The following PTPRD variants were observed in gnomAD, a reference collection of about 807,000 sequenced individuals.
PTPRD encodes the protein protein tyrosine phosphatase receptor type D.
PTPRD carries 34 observed loss-of-function variants against 214.5 expected under a neutral mutation model. The observed-to-expected ratio is 0.16, with a 90% CI of 0.12 to 0.21. PTPRD has a LOEUF of 0.21. Ranked by LOEUF, PTPRD falls within the 10% of genes least tolerant of loss-of-function variation. PTPRD has a pLI of 1.00. For synonymous variants in PTPRD, 1,128 were observed against 845.7 expected (o/e 1.33, Z -5.79); for missense variants, 2,545 against 2,398.7 (o/e 1.06, Z -1.27).
chr9:8,623,666 G>T (rs773150079), intron 14 of PTPRD, among the ~76,000 whole-genome samples: 3 of 151,802 alleles, frequency 2.0e-5, no homozygotes, highest in Non-Finnish European at 2.9e-5. Flanking sequence ...GCTTTACATG[G>T]ATTATCTCCT....
At chr9:10,589,983 A>T (rs2075021138) in intron 2 of PTPRD, among the ~76,000 whole-genome samples, 1 of 152,060 alleles carries the variant, frequency 6.6e-6, no homozygotes, top group Admixed American at 6.6e-5. Context: ...AGGACATAGA[A>T]ATTCACATTA....
chr9:10,208,790 A>G (rs2099499478), intron 3 of PTPRD, among the ~76,000 whole-genome samples: 1 of 152,170 alleles, frequency 6.6e-6, no homozygotes, highest in Admixed American at 6.5e-5. Context: ...CACTATCTTG[A>G]GTAAATATAA....
At chr9:9,455,065 G>A (rs957384711) in intron 8 of PTPRD, among the ~76,000 whole-genome samples, 1 of 151,494 alleles carries the variant, frequency 6.6e-6, no homozygotes, top group East Asian at 1.9e-4. Context: ...GAATTTTAAT[G>A]GACAATGTTG....
At chr9:10,445,013 G>C (rs1345142499) in intron 2 of PTPRD, among the ~76,000 whole-genome samples, 2 of 151,986 alleles carry the variant, frequency 1.3e-5, no homozygotes, top group African/African-American at 4.8e-5. Flanking sequence ...CTGGAAGAGT[G>C]AGATGAAGAG....
chr9:8,548,521 C>T (rs111332455), intron 14 of PTPRD, among the ~76,000 whole-genome samples: 6,681 of 151,784 alleles, frequency 0.044, 453 homozygotes, highest in African/African-American at 0.15. Context: ...GCACGCACCA[C>T]CAAACCTGGC....
intron 12 of PTPRD, among the ~76,000 whole-genome samples, chr9:8,696,063 C>T (rs1414183142): frequency 6.6e-6 from 1 of 152,180 alleles, no homozygotes; most frequent in Non-Finnish European, 1.5e-5. Context: ...AAAAGCACAA[C>T]CCAAGAGGCG....
intron 3 of PTPRD, among the ~76,000 whole-genome samples, chr9:10,195,771 T>A (rs2099395680): frequency 6.6e-6 from 1 of 152,196 alleles, no homozygotes; most frequent in African/African-American, 2.4e-5. Flanking sequence ...AAGCCTGAAA[T>A]AATTTAATTA....
At chr9:8,459,952 T>G (rs1013487366) in intron 33 of PTPRD, among the ~76,000 whole-genome samples, 4 of 152,118 alleles carry the variant, frequency 2.6e-5, no homozygotes, top group Admixed American at 6.6e-5. Flanking sequence ...TTTTGAGAAA[T>G]AGCTACAGGG....
chr9:9,665,985 T>C (rs564050139), intron 7 of PTPRD, among the ~76,000 whole-genome samples: 1 of 152,002 alleles, frequency 6.6e-6, no homozygotes, highest in East Asian at 1.9e-4. Flanking sequence ...TGAAAGTCCT[T>C]TATCTTTCCA....
intron 11 of PTPRD, among the ~76,000 whole-genome samples, chr9:8,804,725 G>C (rs1396034396): frequency 1.3e-5 from 2 of 150,760 alleles, no homozygotes; most frequent in Non-Finnish European, 2.9e-5. Flanking sequence ...CTTCTTTCTA[G>C]TTCCACAGAC....
At chr9:8,421,720 A>G (rs1368359072) in intron 35 of PTPRD, among the ~76,000 whole-genome samples, 1 of 152,190 alleles carries the variant, frequency 6.6e-6, no homozygotes, top group Non-Finnish European at 1.5e-5. Context: ...CAAATGTTTA[A>G]AAGCAATACA....
intron 11 of PTPRD, among the ~76,000 whole-genome samples, chr9:8,946,819 TC>T (rs1042366271): frequency 1.3e-5 from 2 of 151,990 alleles, no homozygotes; most frequent in Admixed American, 6.6e-5. Context: ...TCCCTTTTTT[TC>T]CCCCCATAAT....
chr9:8,639,550 G>A (rs934849390), intron 12 of PTPRD, among the ~76,000 whole-genome samples: 1 of 152,214 alleles, frequency 6.6e-6, no homozygotes, highest in Non-Finnish European at 1.5e-5. Context: ...CATAAAATGA[G>A]TGTGCACTAT....
chr9:8,382,670 A>G (rs1191990542), intron 37 of PTPRD, among the ~76,000 whole-genome samples: 2 of 152,202 alleles, frequency 1.3e-5, no homozygotes, highest in African/African-American at 4.8e-5. Flanking sequence ...GGACCCCAAC[A>G]TCCTTTAGAT....
chr9:8,843,972 A>G (rs2097629519), intron 11 of PTPRD, among the ~76,000 whole-genome samples: 1 of 152,154 alleles, frequency 6.6e-6, no homozygotes, highest in Admixed American at 6.6e-5. Flanking sequence ...AAAATTTCTA[A>G]TTGGTATCTG....
intron 3 of PTPRD, among the ~76,000 whole-genome samples, chr9:10,208,959 A>G (rs1011950787): frequency 7.9e-5 from 12 of 152,190 alleles, no homozygotes; most frequent in Non-Finnish European, 1.6e-4. Context: ...GTGACAAAAC[A>G]AAATGATATA....
chr9:10,277,259 A>G (rs2094765143), intron 3 of PTPRD, among the ~76,000 whole-genome samples: 1 of 121,774 alleles, frequency 8.2e-6, no homozygotes, highest in South Asian at 2.5e-4. Context: ...AAAAAAAACA[A>G]CAAACCCTGA....
chr9:8,924,005 C>A (rs977235329), intron 11 of PTPRD, among the ~76,000 whole-genome samples: 1 of 152,092 alleles, frequency 6.6e-6, no homozygotes. Context: ...GCTTTGCAAG[C>A]CATTATCATT....
intron 9 of PTPRD, among the ~76,000 whole-genome samples, chr9:9,353,091 C>G (rs563369319): frequency 6.6e-6 from 1 of 152,008 alleles, no homozygotes; most frequent in African/African-American, 2.4e-5. Flanking sequence ...CAAAACAATG[C>G]TATTCAATGT....
Sources: gnomAD v4.1 joint callset for allele counts (sites outside exome capture counted in the v4.1 genomes callset) on GRCh38, gnomAD v4.1.1 for gene constraint, MANE v1.5 for transcripts, NCBI Gene and HGNC (gene_info 2026-07-23, HGNC 2026-07-21) for gene names.